The following CACNA1E variants were observed in gnomAD, a reference collection of about 807,000 sequenced individuals.
CACNA1E encodes the protein calcium voltage-gated channel subunit alpha1 E, also known as voltage-dependent R-type calcium channel subunit alpha-1E.
CACNA1E carries 40 observed loss-of-function variants against 259.2 expected under a neutral mutation model. The ratio of observed to expected loss-of-function variants is 0.15; its 90% CI spans 0.12 to 0.20. CACNA1E has a LOEUF of 0.20. CACNA1E is among the 10% of genes least tolerant of loss of function. CACNA1E has a pLI of 1.00. For missense variants in CACNA1E, 1,874 were observed against 3,040.1 expected (o/e 0.62, Z 9.02); for synonymous variants, 1,104 against 1,138.5 (o/e 0.97, Z 0.61).
At chr1:181,480,903 G>A (rs187015008), upstream of CACNA1E, among the ~76,000 whole-genome samples, 71 of 152,322 alleles carry the variant, frequency 4.7e-4, 1 homozygote, top group African/African-American at 1.3e-3. Flanking sequence ...GGGACTCAAA[G>A]ATACTTCTCT....
At chr1:181,442,427 G>A (rs1454101449) in intron 2 of CACNA1E, among the ~76,000 whole-genome samples, 1 of 147,146 alleles carries the variant, frequency 6.8e-6, no homozygotes, top group Non-Finnish European at 1.5e-5. Flanking sequence ...ACAGGTATAA[G>A]GGGCACAGGT....
At chr1:181,379,295 T>TCGAA (rs1655304505) in intron 1 of CACNA1E, among the ~76,000 whole-genome samples, 1 of 152,122 alleles carries the variant, frequency 6.6e-6, no homozygotes, top group Non-Finnish European at 1.5e-5. Context: ...GAAAAAATAT[T>TCGAA]TGAAGAAACA....
intron 6 of CACNA1E, among the ~76,000 whole-genome samples, chr1:181,639,002 A>G (rs1657493775): frequency 2.0e-5 from 3 of 152,196 alleles, no homozygotes; most frequent in Non-Finnish European, 4.4e-5. Flanking sequence ...TACATGTACA[A>G]TTGCAATAGC....
intron 3 of CACNA1E, among the ~76,000 whole-genome samples, chr1:181,523,700 TAA>T (rs1224143672): frequency 6.6e-6 from 1 of 152,226 alleles, no homozygotes; most frequent in Non-Finnish European, 1.5e-5. Flanking sequence ...TTTGTGACAT[TAA>T]AAAGAGAGCC....
intron 1 of CACNA1E, among the ~76,000 whole-genome samples, chr1:181,383,114 T>C (rs1473432993): frequency 6.6e-6 from 1 of 152,128 alleles, no homozygotes; most frequent in Admixed American, 6.5e-5. Flanking sequence ...TTCTCTGCTT[T>C]CCCCCCGGGG....
At chr1:181,490,399 C>T (rs185980293) in intron 1 of CACNA1E, among the ~76,000 whole-genome samples, 44 of 151,734 alleles carry the variant, frequency 2.9e-4, no homozygotes, top group Admixed American at 2.6e-3. Flanking sequence ...AAAGGAGCCT[C>T]AAATAGACCC....
At chr1:181,544,066 T>A (rs1023649394) in intron 3 of CACNA1E, among the ~76,000 whole-genome samples, 4 of 152,186 alleles carry the variant, frequency 2.6e-5, no homozygotes, top group African/African-American at 4.8e-5. Flanking sequence ...ATCCCAAGTG[T>A]ACATCAGCTG....
intron 3 of CACNA1E, among the ~76,000 whole-genome samples, chr1:181,543,607 G>A (rs1472856796): frequency 6.6e-6 from 1 of 152,106 alleles, no homozygotes; most frequent in East Asian, 1.9e-4. Context: ...CTGAGAAGAG[G>A]GTCCTCGCCA....
chr1:181,543,607 G>C (rs1472856796), intron 3 of CACNA1E, among the ~76,000 whole-genome samples: 1 of 152,106 alleles, frequency 6.6e-6, no homozygotes, highest in Admixed American at 6.5e-5. Context: ...CTGAGAAGAG[G>C]GTCCTCGCCA....
intron 6 of CACNA1E, among the ~76,000 whole-genome samples, chr1:181,608,824 C>G (rs1316081904): frequency 6.6e-6 from 1 of 152,172 alleles, no homozygotes; most frequent in African/African-American, 2.4e-5. Context: ...TGCCTCTTCC[C>G]TTATTTCTGA....
At chr1:181,538,913 ATAT>A (rs1668370345) in intron 3 of CACNA1E, among the ~76,000 whole-genome samples, 1 of 152,234 alleles carries the variant, frequency 6.6e-6, no homozygotes, top group African/African-American at 2.4e-5. Flanking sequence ...ACAAAATGTA[ATAT>A]AATTCTGCAA....
intron 7 of CACNA1E, among the ~76,000 whole-genome samples, chr1:181,668,337 T>G (rs1289204080): frequency 6.6e-6 from 1 of 152,240 alleles, no homozygotes; most frequent in East Asian, 1.9e-4. Flanking sequence ...TCCTTTTTAT[T>G]TCTGAATAGT....
At chr1:181,428,428 A>T (rs977263990) in intron 2 of CACNA1E, among the ~76,000 whole-genome samples, 1 of 152,138 alleles carries the variant, frequency 6.6e-6, no homozygotes, top group African/African-American at 2.4e-5. Flanking sequence ...GGCATCCGGC[A>T]CAGAGTGGAG....
chr1:181,451,553 C>T (rs549121534), intron 2 of CACNA1E, among the ~76,000 whole-genome samples: 23 of 152,122 alleles, frequency 1.5e-4, no homozygotes, highest in Admixed American at 2.0e-4. Context: ...GGCATGGTGG[C>T]GCATGCCTGT....
intron 1 of CACNA1E, among the ~76,000 whole-genome samples, chr1:181,366,253 C>A (rs888685972): frequency 2.6e-5 from 4 of 152,162 alleles, no homozygotes; most frequent in Admixed American, 2.6e-4. Context: ...TGCATCCTTC[C>A]TTCCATCTCT....
At chr1:181,710,218 C>G (rs1653211051) in intron 7 of CACNA1E, among the ~76,000 whole-genome samples, 1 of 151,400 alleles carries the variant, frequency 6.6e-6, no homozygotes, top group Admixed American at 6.6e-5. Context: ...CACCTTCCCA[C>G]TGGCTTTATG....
intron 1 of CACNA1E, among the ~76,000 whole-genome samples, chr1:181,348,593 G>T (rs1209824410): frequency 1.3e-5 from 2 of 151,912 alleles, no homozygotes; most frequent in African/African-American, 4.8e-5. Flanking sequence ...GATCAACTGT[G>T]TATGTGTTGG....
At chr1:181,785,602 C>A in intron 42 of CACNA1E, 111 bp from the exon 43 acceptor site, 2 of 925,444 alleles carry the variant, frequency 2.2e-6, no homozygotes, top group South Asian at 1.3e-5. Context: ...TTAAAATGGT[C>A]AAACAAGGGA....
chr1:181,782,167 C>A (rs1315046646), intron 39 of CACNA1E, among the ~76,000 whole-genome samples: 1 of 152,236 alleles, frequency 6.6e-6, no homozygotes, highest in Non-Finnish European at 1.5e-5. Context: ...CTACCCAATT[C>A]TCTTGGAAAT....
Sources: gnomAD v4.1 joint callset for allele counts (sites outside exome capture counted in the v4.1 genomes callset) on GRCh38, gnomAD v4.1.1 for gene constraint, MANE v1.5 for transcripts, NCBI Gene and HGNC (gene_info 2026-07-23, HGNC 2026-07-21) for gene names.